Variants in LPA observed in about 807,000 individuals in gnomAD.
LPA encodes the protein lipoprotein(a).
In LPA, 199 loss-of-function variants were observed where a neutral mutation model predicts 197.9. The ratio of observed to expected loss-of-function variants is 1.01; its 90% CI spans 0.90 to 1.13. The LOEUF is 1.13. Ranked by LOEUF, LPA falls within the 50% of genes most tolerant of loss-of-function variation. LPA has a pLI of 0.00. For synonymous variants in LPA, 715 were observed against 639.5 expected, an observed-to-expected ratio of 1.12 and a Z score of -1.78; for missense variants, 1,853 against 1,785.8, an observed-to-expected ratio of 1.04 and a Z score of -0.68.
intron 28 of LPA, among the ~76,000 whole-genome samples, chr6:160,563,153 G>A (rs1180208470): frequency 6.6e-6 from 1 of 152,134 alleles, no homozygotes; most frequent in African/African-American, 2.4e-5. Context: ...TTTGAATTGT[G>A]ATGTTAGGGT....
At position 160,634,015 on chromosome 6, in the gene LPA, C is replaced by A; in HGVS notation, c.1076-103G>T. On this transcript the variant is annotated intron_variant, in intron 7 of 38. Coordinates refer to ENST00000316300, the MANE Select transcript of LPA (RefSeq NM_005577.4). The stretch of plus-strand genomic sequence containing the variant: ...GAAAGGAGTCTATGAGAATTACGAA[C>A]GTTATCTTTCCCTTACCTGTAGGCA... 4.0e-6 allele frequency: 6 copies of A among 1,504,358 alleles called. 1 individual carries two copies. Among genetic ancestry groups the A allele is most frequent in the South Asian group, 3.3e-5 (3 of 89,674 alleles). 93.2% of individuals were successfully genotyped at this position (1,504,358 alleles called of 1,614,324 possible).
At chr6:160,650,618 T>A (rs573381985) in intron 1 of LPA, 121 bp from the exon 2 acceptor site, 1 of 941,688 alleles carries the variant, frequency 1.1e-6, no homozygotes, top group Non-Finnish European at 1.7e-6. Flanking sequence ...TTCTCTTGAT[T>A]AGCAGGCAGA....
At chr6:160,657,654 C>A (rs1780154833) in intron 1 of LPA, among the ~76,000 whole-genome samples, 1 of 152,202 alleles carries the variant, frequency 6.6e-6, no homozygotes, top group African/African-American at 2.4e-5. Flanking sequence ...GCCCCCGCCT[C>A]CCAAGGTGCT....
chr6:160,557,095 C>T (rs1778276812), intron 29 of LPA, among the ~76,000 whole-genome samples: 1 of 152,102 alleles, frequency 6.6e-6, no homozygotes, highest in Admixed American at 6.6e-5. Flanking sequence ...TGAAATTTGG[C>T]ACAAATTTGG....
intron 30 of LPA, among the ~76,000 whole-genome samples, chr6:160,553,226 G>A (rs1003238160): frequency 3.3e-5 from 5 of 152,050 alleles, no homozygotes; most frequent in Admixed American, 3.3e-4. Context: ...TTAAAAATTA[G>A]ATAAATAAGA....
intron 28 of LPA, among the ~76,000 whole-genome samples, chr6:160,575,295 A>G (rs6455688): frequency 0.41 from 62,379 of 151,930 alleles, 13,686 homozygotes; most frequent in African/African-American, 0.58. Context: ...ACAAGATCAA[A>G]TGATCATATG....
At chr6:160,648,501 A>G (rs887424268) in intron 2 of LPA, among the ~76,000 whole-genome samples, 7 of 150,892 alleles carry the variant, frequency 4.6e-5, no homozygotes, top group Middle Eastern at 3.4e-3. Flanking sequence ...AAATCTTTTT[A>G]TGTTTTCCTT....
chr6:160,606,807 G>A, intron 16 of LPA, 149 bp from the exon 17 acceptor site: 1 of 1,253,138 alleles, frequency 8.0e-7, no homozygotes, highest in African/African-American at 1.5e-5. Context: ...AAGCACAAAT[G>A]GCTCTCAATC....
chr6:160,574,747 G>A (rs897172920), intron 28 of LPA, among the ~76,000 whole-genome samples: 1 of 152,186 alleles, frequency 6.6e-6, no homozygotes, highest in African/African-American at 2.4e-5. Flanking sequence ...GGAACTCACA[G>A]TATTTGGGGT....
intron 28 of LPA, among the ~76,000 whole-genome samples, chr6:160,571,566 C>G (rs1005664033): frequency 6.6e-6 from 1 of 152,140 alleles, no homozygotes; most frequent in Non-Finnish European, 1.5e-5. Flanking sequence ...TTCAGAGATG[C>G]CCTGCCCAGA....
intron 21 of LPA, among the ~76,000 whole-genome samples, 180 bp from the exon 22 acceptor site, chr6:160,594,297 T>G (rs1779088709): frequency 6.6e-6 from 1 of 152,210 alleles, no homozygotes; most frequent in African/African-American, 2.4e-5. Flanking sequence ...TTCTAGAACT[T>G]TAACGAGTTC....
intron 22 of LPA, among the ~76,000 whole-genome samples, chr6:160,593,280 C>A (rs576553919): frequency 6.6e-6 from 1 of 152,324 alleles, no homozygotes; most frequent in Non-Finnish European, 1.5e-5. Flanking sequence ...TTTCTCAGGC[C>A]TGTCATGTCT....
chr6:160,595,402 T>C lies in LPA; in HGVS notation c.3421A>G (p.Thr1141Ala). 6.2e-7 allele frequency: 1 copy of C among 1,610,230 alleles called. No individual in the cohort carries two copies. Among genetic ancestry groups the C allele is most frequent in the Non-Finnish European group, 8.5e-7 (1 of 1,178,478 alleles). ...CTTGGATCTGGGACCACCGTGAGAG[T>C]TGCAAGGACACTTGATTCTGTCACC... ...CLVTESSVLA[T>A]LTVVPDPSTE... The change falls in exon 21 of 39, where the codon ACT becomes GCT. Residue 1141 changes from threonine (T) to alanine (A), a missense_variant. By Grantham distance (58) the Thr-to-Ala change is moderately conservative. This residue lies in a region of LPA where 1,737 missense variants were observed against 1,504.4 expected (regional missense o/e 1.15). Transcript: ENST00000316300.
chr6:160,588,066 AAATGTTCTCACC>A, intron 24 of LPA, among the ~76,000 whole-genome samples: 1 of 151,954 alleles, frequency 6.6e-6, no homozygotes, highest in Non-Finnish European at 1.5e-5. Flanking sequence ...GGTGCATTTT[AAATGTTCTCACC>A]AATGTCATCA....
At chr6:160,556,687 A>G (rs1262215646) in intron 29 of LPA, among the ~76,000 whole-genome samples, 1 of 152,144 alleles carries the variant, frequency 6.6e-6, no homozygotes, top group Non-Finnish European at 1.5e-5. Flanking sequence ...TGCTTCTTAG[A>G]GAAGGATGGA....
chr6:160,590,021 C>T lies in LPA; in HGVS notation c.3788-309G>A, dbSNP rs1778995301. Among the ~76,000 whole-genome samples, 2 of 152,204 alleles carry T rather than the reference C, an allele frequency of 1.3e-5. 1 individual carries two copies. The highest frequency in any genetic ancestry group is 4.1e-4 in the South Asian group (2 of 4,836). On this transcript the variant is annotated intron_variant, in intron 23 of 38. Transcript: ENST00000316300. The stretch of plus-strand genomic sequence containing the variant: ...GATCTCTTTTGGGTGTTCCTGAGAA[C>T]AAGGCAGGAGACCAGAGTGCCATGC...
At chr6:160,578,732 C>T (rs758496213) in intron 26 of LPA, 28 bp from the exon 27 acceptor site, 2 of 1,613,514 alleles carry the variant, frequency 1.2e-6, no homozygotes, top group Non-Finnish European at 1.7e-6. Flanking sequence ...ACACAGGTCA[C>T]CAGAGATGGG....
chr6:160,600,943 G>T lies in LPA; in HGVS notation c.3101C>A (p.Pro1034Gln). Residue 1034 changes from proline (P) to glutamine (Q), a missense_variant, in exon 19 of 39, where the codon CCA (proline) becomes CAA (glutamine). By Grantham distance (76) the Pro-to-Gln change is moderately conservative. Transcript: ENST00000316300. ...TTGTTCAAAAAAAGCCTCTAGGCTT[G>T]GAGCCAGAATAACATTCGGAGGGAC... ...AFVPPNVILA[P>Q]SLEAFFEQAL... The T allele has an allele frequency of 1.2e-6, 2 of 1,613,054 alleles. No individual in the cohort carries two copies. The highest frequency in any genetic ancestry group is 1.7e-6 in the Non-Finnish European group (2 of 1,179,966).
At chr6:160,660,351 T>C (rs1321797979) in intron 1 of LPA, among the ~76,000 whole-genome samples, 1 of 152,242 alleles carries the variant, frequency 6.6e-6, no homozygotes, top group East Asian at 1.9e-4. Flanking sequence ...ATGTCTAGCA[T>C]GCAGGACTTG....
Sources: allele counts gnomAD v4.1 joint callset (sites outside exome capture counted in the v4.1 genomes callset), GRCh38; gene constraint gnomAD v4.1.1; regional missense constraint gnomAD v4.1.1; transcripts MANE v1.5; gene names NCBI Gene and HGNC (gene_info 2026-07-23, HGNC 2026-07-21).